NPAS3: variants seen among roughly 807,000 people sequenced by gnomAD.
NPAS3 encodes neuronal PAS domain-containing protein 3.
A neutral mutation model predicts 73.1 loss-of-function variants in NPAS3; 14 were observed. The observed-to-expected ratio is 0.19, with a 90% confidence interval of 0.13 to 0.30. The LOEUF (loss-of-function observed/expected upper bound fraction) is 0.30. Ranked by LOEUF, NPAS3 falls within the 10% of genes least tolerant of loss-of-function variation. NPAS3 has a pLI of 1.00. For missense variants in NPAS3, 1,096 were observed against 1,250.0 expected, an observed-to-expected ratio of 0.88 and a Z score of 1.86; for synonymous variants, 620 against 541.5, an observed-to-expected ratio of 1.14 and a Z score of -2.01.
At position 32,988,769 on chromosome 14, in the gene NPAS3, C is replaced by A. The variant is rs188516329; in HGVS notation, c.50+49403C>A. 2.6e-5 allele frequency among the ~76,000 whole-genome samples: 4 copies of A among 152,326 alleles called. No individual in the cohort carries two copies. In the East Asian group the frequency reaches 7.7e-4, roughly 29 times the overall value. ...TTCTCCAAAACTTCTCTAGGGCTTA[C>A]TTAATCTCTCCAATACTTAATTTAT... On this transcript the variant is annotated intron_variant, in intron 1 of 11. Transcript: ENST00000356141.
intron 6 of NPAS3, among the ~76,000 whole-genome samples, chr14:33,713,907 C>A (rs1424073573): frequency 6.6e-6 from 1 of 152,166 alleles, no homozygotes; most frequent in Non-Finnish European, 1.5e-5. Flanking sequence ...ACATTGGCCT[C>A]CTTGCTATTC....
At chr14:33,284,799 TCTATCTA>T in intron 3 of NPAS3, among the ~76,000 whole-genome samples, 1 of 142,470 alleles carries the variant, frequency 7.0e-6, no homozygotes, top group African/African-American at 2.7e-5. Context: ...TATCTATCTA[TCTATCTA>T]TCTATCTATA....
chr14:33,777,203 A>G (rs908110771), intron 8 of NPAS3, among the ~76,000 whole-genome samples: 2 of 152,176 alleles, frequency 1.3e-5, no homozygotes, highest in Admixed American at 6.5e-5. Flanking sequence ...TCATTTGCAG[A>G]AAGGGGGTTT....
rs146017148 is a variant in NPAS3, at chr14:33,467,036, A to G, written c.469-93085A>G. On this transcript the variant is annotated intron_variant, in intron 4 of 11. Coordinates refer to ENST00000356141, the Ensembl canonical transcript of NPAS3. Reference sequence around the variant, plus strand: ...TTATTCATTGGTTGTGTTTTACTAAATCTGTCTGTGAGTGGGTATAATGTT... The same window carrying G: ...TTATTCATTGGTTGTGTTTTACTAAGTCTGTCTGTGAGTGGGTATAATGTT... Among the ~76,000 whole-genome samples, 69 of 152,282 alleles carry G rather than the reference A, an allele frequency of 4.5e-4. 1 individual carries two copies. The highest frequency in any genetic ancestry group is 1.6e-3 in the African/African-American group (66 of 41,566).
rs149310282 is a variant in NPAS3 at position 32,979,671 on chromosome 14, A to G, written c.50+40305A>G. Among the ~76,000 whole-genome samples the G allele has an allele frequency of 7.3e-4, 111 of 152,328 alleles. 2 individuals are homozygous for G. Among genetic ancestry groups the G allele is most frequent in the African/African-American group, 2.5e-3 (105 of 41,560 alleles). On this transcript the variant is annotated intron_variant, in intron 1 of 11. Coordinates refer to ENST00000356141, the Ensembl canonical transcript of NPAS3. ...AGTAGAGTCCTTATTTGCCCTGTTG[A>G]GGGATTTAAATGCATCATATTACAA... is the stretch of plus-strand genomic sequence containing the variant.
chr14:33,094,033 G>A (rs1432911271), intron 2 of NPAS3, among the ~76,000 whole-genome samples: 1 of 151,848 alleles, frequency 6.6e-6, no homozygotes, highest in Non-Finnish European at 1.5e-5. Flanking sequence ...CAGTTTAATG[G>A]GTGCAGCACA....
At chr14:33,359,842 T>C (rs1234584146) in intron 3 of NPAS3, among the ~76,000 whole-genome samples, 2 of 152,194 alleles carry the variant, frequency 1.3e-5, no homozygotes, top group Non-Finnish European at 2.9e-5. Flanking sequence ...ACTGTGGGCT[T>C]AATTCGTGAG....
At chr14:33,273,205 T>C (rs243310) in intron 3 of NPAS3, among the ~76,000 whole-genome samples, 66,603 of 151,992 alleles carry the variant, frequency 0.44, 15,151 homozygotes, top group South Asian at 0.64. Context: ...ACTCACTGTC[T>C]CCCACTGGTT....
intron 3 of NPAS3, among the ~76,000 whole-genome samples, chr14:33,247,244 T>A (rs1163400567): frequency 6.6e-6 from 1 of 152,180 alleles, no homozygotes; most frequent in Non-Finnish European, 1.5e-5. Context: ...TTAATTTTAA[T>A]TTTTTTAGCA....
chr14:33,272,520 A>G (rs1958019), intron 3 of NPAS3, among the ~76,000 whole-genome samples: 143,718 of 152,204 alleles, frequency 0.94, 67,976 homozygotes, highest in South Asian at 0.98. Flanking sequence ...AGATTCAAGC[A>G]ATTCTCTTCC....
chr14:33,759,734 G>T (rs2062225386), intron 7 of NPAS3, among the ~76,000 whole-genome samples: 1 of 152,186 alleles, frequency 6.6e-6, no homozygotes, highest in African/African-American at 2.4e-5. Context: ...TACCTGGCCT[G>T]CTACTGGTTG....
At chr14:33,565,166 T>G (rs1321752220) in intron 5 of NPAS3, among the ~76,000 whole-genome samples, 1 of 152,214 alleles carries the variant, frequency 6.6e-6, no homozygotes, top group African/African-American at 2.4e-5. Flanking sequence ...GGTAAGTGGT[T>G]GTTTTAAATT....
intron 4 of NPAS3, among the ~76,000 whole-genome samples, chr14:33,390,570 T>TAG (rs1297776703): frequency 6.6e-6 from 1 of 152,162 alleles, no homozygotes. Flanking sequence ...GCTGCTTCTG[T>TAG]AGAGAGAGAT....
At chr14:33,188,477 C>G (rs1240421697) in intron 2 of NPAS3, among the ~76,000 whole-genome samples, 1 of 152,182 alleles carries the variant, frequency 6.6e-6, no homozygotes, top group Non-Finnish European at 1.5e-5. Context: ...CTTTGTGCCT[C>G]TCTTATAGCA....
chr14:32,940,711 A>G (rs1395739884), intron 1 of NPAS3, among the ~76,000 whole-genome samples: 1 of 152,256 alleles, frequency 6.6e-6, no homozygotes, highest in South Asian at 2.1e-4. Context: ...TTGATGCAAC[A>G]TAATATTTAA....
chr14:33,271,985 G>A (rs181878981), intron 3 of NPAS3, among the ~76,000 whole-genome samples: 1 of 152,070 alleles, frequency 6.6e-6, no homozygotes. Flanking sequence ...CCAAAACATA[G>A]ATAAATTAAG....
chr14:33,206,775 T>C (rs1397599450), intron 2 of NPAS3, among the ~76,000 whole-genome samples: 2 of 152,186 alleles, frequency 1.3e-5, no homozygotes, highest in Non-Finnish European at 2.9e-5. Flanking sequence ...GTTATTGATA[T>C]TATGAAAAAT....
intron 6 of NPAS3, among the ~76,000 whole-genome samples, chr14:33,726,562 G>A (rs2061271438): frequency 6.6e-6 from 1 of 152,084 alleles, no homozygotes; most frequent in Non-Finnish European, 1.5e-5. Context: ...AGGCCCTTGT[G>A]ACCACCCAAC....
At chr14:32,957,997 T>G (rs1414039174) in intron 1 of NPAS3, among the ~76,000 whole-genome samples, 3 of 152,142 alleles carry the variant, frequency 2.0e-5, no homozygotes, top group Admixed American at 6.5e-5. Context: ...ACAGAAAAGC[T>G]CCAGTTTAGC....
Sources: allele counts gnomAD v4.1 joint callset (sites outside exome capture counted in the v4.1 genomes callset), GRCh38; gene constraint gnomAD v4.1.1; transcripts MANE v1.5; gene names NCBI Gene and HGNC (gene_info 2026-07-23, HGNC 2026-07-21).